Variants in AKAP6 observed in about 807,000 individuals in gnomAD.
AKAP6 encodes the protein A-kinase anchoring protein 6, also known as A-kinase anchor protein 6.
A neutral mutation model predicts 188.5 loss-of-function variants in AKAP6; 58 were observed. The ratio of observed to expected loss-of-function variants is 0.31; its 90% CI spans 0.25 to 0.38. The LOEUF (loss-of-function observed/expected upper bound fraction) is 0.38, where lower values mean the gene tolerates loss of function less well. Ranked by LOEUF, AKAP6 falls within the 10% of genes least tolerant of loss-of-function variation. The pLI is 1.00. For synonymous variants in AKAP6, 989 were observed against 998.6 expected (o/e 0.99, Z 0.18); for missense variants, 2,710 against 2,740.0 (o/e 0.99, Z 0.24).
intron 1 of AKAP6, among the ~76,000 whole-genome samples, chr14:32,352,939 A>C (rs1425440976): frequency 6.6e-6 from 1 of 152,212 alleles, no homozygotes; most frequent in African/African-American, 2.4e-5. Flanking sequence ...CTGGAATGGT[A>C]GTTCTATTTT....
intron 11 of AKAP6, among the ~76,000 whole-genome samples, chr14:32,756,196 G>C (rs1414102557): frequency 6.6e-6 from 1 of 152,152 alleles, no homozygotes; most frequent in Non-Finnish European, 1.5e-5. Flanking sequence ...ACCAGGACAG[G>C]CCTGAAGCTT....
At chr14:32,530,090 G>A (rs988420448) in intron 2 of AKAP6, among the ~76,000 whole-genome samples, 4 of 149,872 alleles carry the variant, frequency 2.7e-5, no homozygotes, top group Non-Finnish European at 5.9e-5. Context: ...ACAGCGGTAC[G>A]ATCATGGCTC....
rs1183459478 is a variant in AKAP6 at position 32,474,086 on chromosome 14, CG to C, written c.324+40273del. ...CTAATTTTTGTATTTTTGGTAGAAA[CG>C]GGGTTTCACTATGTTGGCCAGGCTG... On this transcript the variant is annotated intron_variant, in intron 2 of 13. Transcript: ENST00000280979. 25 of 152,200 alleles carry C rather than the reference CG, an allele frequency of 1.6e-4. 1 individual carries two copies. The highest frequency in any genetic ancestry group is 5.5e-4 in the African/African-American group (23 of 41,496). 9.4% of individuals were successfully genotyped at this position (152,200 alleles called of 1,614,324 possible).
intron 1 of AKAP6, among the ~76,000 whole-genome samples, chr14:32,391,553 A>G (rs1354512275): frequency 6.6e-6 from 1 of 152,144 alleles, no homozygotes; most frequent in East Asian, 1.9e-4. Context: ...CAATTGAGAG[A>G]GCAGCTCTGT....
At chr14:32,533,986 C>T (rs190451257) in intron 2 of AKAP6, among the ~76,000 whole-genome samples, 3 of 152,282 alleles carry the variant, frequency 2.0e-5, no homozygotes, top group South Asian at 2.1e-4. Context: ...CCAGTTTGCA[C>T]CACTGTCACC....
At chr14:32,635,502 A>G (rs1309661330) in intron 7 of AKAP6, among the ~76,000 whole-genome samples, 2 of 152,126 alleles carry the variant, frequency 1.3e-5, no homozygotes, top group Non-Finnish European at 2.9e-5. Context: ...TTTAGAAAGT[A>G]CTACCCTCAA....
intron 12 of AKAP6, among the ~76,000 whole-genome samples, chr14:32,817,814 T>C (rs145332628): frequency 3.5e-4 from 53 of 152,272 alleles, no homozygotes; most frequent in African/African-American, 1.2e-3. Flanking sequence ...AACGTTTGAT[T>C]AGCTTGAGCA....
intron 9 of AKAP6, among the ~76,000 whole-genome samples, chr14:32,723,063 G>A (rs1024574239): frequency 9.9e-5 from 15 of 152,140 alleles, no homozygotes; most frequent in Admixed American, 5.9e-4. Context: ...TCCTGCACCC[G>A]CTCACCTGCG....
chr14:32,384,391 G>T (rs994498409), intron 1 of AKAP6, among the ~76,000 whole-genome samples: 5 of 152,166 alleles, frequency 3.3e-5, no homozygotes, highest in Admixed American at 1.3e-4. Flanking sequence ...GGGAGTGGGG[G>T]CTAAAATGTG....
chr14:32,810,534 C>T (rs1367406979), intron 12 of AKAP6, among the ~76,000 whole-genome samples: 2 of 152,104 alleles, frequency 1.3e-5, no homozygotes, highest in Non-Finnish European at 2.9e-5. Flanking sequence ...TGTTTTTTAA[C>T]GTGTCTAGGG....
At chr14:32,585,702 T>A (rs898408379) in intron 5 of AKAP6, among the ~76,000 whole-genome samples, 6 of 152,160 alleles carry the variant, frequency 3.9e-5, no homozygotes, top group Non-Finnish European at 8.8e-5. Flanking sequence ...ATAAGCAAAG[T>A]ATTCTTAGGA....
chr14:32,396,514 C>T (rs1888884407), intron 1 of AKAP6, among the ~76,000 whole-genome samples: 1 of 152,146 alleles, frequency 6.6e-6, no homozygotes, highest in South Asian at 2.1e-4. Flanking sequence ...TTGATCAATC[C>T]CATCCTTCCT....
chr14:32,810,405 G>A (rs954995853), intron 12 of AKAP6, among the ~76,000 whole-genome samples: 3 of 152,108 alleles, frequency 2.0e-5, no homozygotes, highest in Non-Finnish European at 4.4e-5. Flanking sequence ...GCCCGTGTAA[G>A]AGCCCAGGAC....
intron 7 of AKAP6, among the ~76,000 whole-genome samples, chr14:32,619,460 T>G (rs1307231199): frequency 6.6e-6 from 1 of 152,194 alleles, no homozygotes; most frequent in Non-Finnish European, 1.5e-5. Context: ...TTTGAATGCT[T>G]TGTTGAAGAT....
rs1393963736 is a variant in AKAP6 at position 32,806,813 on chromosome 14, T to G, written c.3589-14589T>G. On this transcript the variant is annotated intron_variant, in intron 12 of 13. Coordinates refer to ENST00000280979, the MANE Select transcript of AKAP6 (RefSeq NM_004274.5). Reference sequence around the variant, plus strand: ...TGAGATCTGGGTTAGCAGAGAAATCTTTAAAGGAGTTTAAGATTGAATTTT... The same window carrying G: ...TGAGATCTGGGTTAGCAGAGAAATCGTTAAAGGAGTTTAAGATTGAATTTT... Among the ~76,000 whole-genome samples, 3 of 152,252 alleles carry G rather than the reference T, an allele frequency of 2.0e-5. No individual in the cohort carries two copies. The East Asian group carries it at 5.8e-4, about 29-fold the overall frequency.
At position 32,330,713 on chromosome 14, in the gene AKAP6, A is replaced by ATTT. The variant is rs35147196; in HGVS notation, c.-35+1333_-35+1335dup. On this transcript the variant is annotated intron_variant, in intron 1 of 13. Transcript: ENST00000280979. ...CAATACCTTTAGCTAGCTTGGAGTG[A>ATTT]TTTTTTTTTTTTTTTTTTTTTTTTT... Among the ~76,000 whole-genome samples, 204 of 62,406 alleles carry ATTT rather than the reference A, an allele frequency of 3.3e-3. 24 individuals are homozygous for ATTT. Among genetic ancestry groups the ATTT allele is most frequent in the African/African-American group, 3.7e-3 (51 of 13,632 alleles). 40.9% of individuals were successfully genotyped at this position (62,406 alleles called of 152,430 possible).
intron 3 of AKAP6, among the ~76,000 whole-genome samples, chr14:32,537,047 A>C (rs1882715702): frequency 6.6e-6 from 1 of 152,362 alleles, no homozygotes; most frequent in East Asian, 1.9e-4. Context: ...ATAATTCATT[A>C]ATTTATTGAC....
chr14:32,788,815 C>T (rs2140046550), intron 12 of AKAP6, among the ~76,000 whole-genome samples: 1 of 152,296 alleles, frequency 6.6e-6, no homozygotes, highest in South Asian at 2.1e-4. Flanking sequence ...GCGGGAAATC[C>T]ATCCATTCAT....
At chr14:32,670,621 C>T (rs1001330221) in intron 7 of AKAP6, among the ~76,000 whole-genome samples, 1 of 152,074 alleles carries the variant, frequency 6.6e-6, no homozygotes, top group Non-Finnish European at 1.5e-5. Context: ...TTGAAGGATC[C>T]CTGTGATCTT....
Sources: gnomAD v4.1 joint callset for allele counts (sites outside exome capture counted in the v4.1 genomes callset) on GRCh38, gnomAD v4.1.1 for gene constraint, MANE v1.5 for transcripts, NCBI Gene and HGNC (gene_info 2026-07-23, HGNC 2026-07-21) for gene names.